Variants in PCDH9 observed in about 807,000 individuals in gnomAD.
PCDH9 encodes the protein protocadherin-9.
Under a neutral mutation model 70.6 loss-of-function variants are expected in PCDH9, and 24 were observed. That is an observed-to-expected ratio of 0.34 (90% CI 0.25 to 0.48). PCDH9 has a LOEUF of 0.48. PCDH9 is among the 20% of genes least tolerant of loss of function. PCDH9 has a pLI of 0.99. For missense variants in PCDH9, 1,281 were observed against 1,503.6 expected, an observed-to-expected ratio of 0.85 and a Z score of 2.45; for synonymous variants, 562 against 558.5, an observed-to-expected ratio of 1.01 and a Z score of -0.09.
chr13:66,688,957 T>A (rs2078443963), intron 3 of PCDH9, among the ~76,000 whole-genome samples: 2 of 152,134 alleles, frequency 1.3e-5, no homozygotes. Flanking sequence ...ATGGTAGCTG[T>A]GTAGGAAAAA....
intron 2 of PCDH9, among the ~76,000 whole-genome samples, chr13:67,113,747 C>A (rs1209604092): frequency 6.6e-6 from 1 of 152,148 alleles, no homozygotes; most frequent in East Asian, 1.9e-4. Flanking sequence ...GGGGGTTTCA[C>A]TGCTTTAGGC....
At chr13:67,026,104 A>C (rs1438329782) in intron 2 of PCDH9, among the ~76,000 whole-genome samples, 3 of 152,146 alleles carry the variant, frequency 2.0e-5, no homozygotes, top group Non-Finnish European at 2.9e-5. Flanking sequence ...TGAGATAATC[A>C]TGTGGTTTTT....
chr13:66,982,369 T>C (rs1296644271), intron 2 of PCDH9, among the ~76,000 whole-genome samples: 2 of 152,172 alleles, frequency 1.3e-5, no homozygotes, highest in East Asian at 3.9e-4. Context: ...TATCCGCTAC[T>C]ATAAAATATA....
intron 2 of PCDH9, among the ~76,000 whole-genome samples, chr13:66,945,254 T>G (rs938340323): frequency 2.0e-5 from 3 of 151,988 alleles, no homozygotes; most frequent in African/African-American, 7.2e-5. Context: ...TTCCTATAAT[T>G]TGTCTCCCTC....
At chr13:67,017,937 T>C (rs2084594295) in intron 2 of PCDH9, among the ~76,000 whole-genome samples, 1 of 152,216 alleles carries the variant, frequency 6.6e-6, no homozygotes, top group Non-Finnish European at 1.5e-5. Context: ...AATAACATTA[T>C]TAAAGACCCA....
At chr13:66,610,464 T>C (rs895861636) in intron 4 of PCDH9, among the ~76,000 whole-genome samples, 6 of 152,154 alleles carry the variant, frequency 3.9e-5, no homozygotes, top group African/African-American at 1.4e-4. Context: ...CCAAAAAGCC[T>C]TCTGATTGTG....
chr13:66,979,039 T>C (rs1203809620), intron 2 of PCDH9, among the ~76,000 whole-genome samples: 2 of 152,044 alleles, frequency 1.3e-5, no homozygotes, highest in African/African-American at 4.8e-5. Context: ...TTTATTCTAA[T>C]GTTGAATATC....
chr13:66,674,391 T>C (rs181807295), intron 3 of PCDH9, among the ~76,000 whole-genome samples: 2 of 151,816 alleles, frequency 1.3e-5, no homozygotes, highest in African/African-American at 4.8e-5. Context: ...TTTATGCACA[T>C]AGAAATAACT....
At chr13:66,340,373 A>T (rs989514674) in intron 4 of PCDH9, among the ~76,000 whole-genome samples, 1 of 152,288 alleles carries the variant, frequency 6.6e-6, no homozygotes, top group South Asian at 2.1e-4. Flanking sequence ...TCATGGTGAC[A>T]CTTTTCTACT....
chr13:66,341,183 C>A (rs1477800343), intron 4 of PCDH9, among the ~76,000 whole-genome samples: 1 of 152,012 alleles, frequency 6.6e-6, no homozygotes, highest in Middle Eastern at 3.2e-3. Flanking sequence ...CCTGAACTCT[C>A]CTGGGCTCAA....
intron 4 of PCDH9, among the ~76,000 whole-genome samples, chr13:66,518,994 T>C (rs940377417): frequency 6.6e-6 from 1 of 152,166 alleles, no homozygotes; most frequent in African/African-American, 2.4e-5. Flanking sequence ...AGATATAATA[T>C]ACATTTTCTC....
chr13:66,651,470 G>C (rs1347625879), intron 3 of PCDH9, among the ~76,000 whole-genome samples: 2 of 151,906 alleles, frequency 1.3e-5, no homozygotes, highest in Admixed American at 1.3e-4. Flanking sequence ...TCCAAAACCT[G>C]AACATACCTA....
intron 3 of PCDH9, among the ~76,000 whole-genome samples, chr13:66,757,618 C>T (rs9529135): frequency 0.081 from 12,353 of 151,970 alleles, 511 homozygotes; most frequent in East Asian, 0.14. Context: ...AAGCATGTCA[C>T]ATACGATATA....
At chr13:67,129,351 G>A (rs2087052777) in intron 2 of PCDH9, among the ~76,000 whole-genome samples, 1 of 152,086 alleles carries the variant, frequency 6.6e-6, no homozygotes, top group South Asian at 2.1e-4. Flanking sequence ...GCAATTATGA[G>A]TTACATGTTA....
intron 2 of PCDH9, among the ~76,000 whole-genome samples, chr13:66,950,095 A>G (rs2083153419): frequency 6.6e-6 from 1 of 152,122 alleles, no homozygotes; most frequent in Non-Finnish European, 1.5e-5. Flanking sequence ...CAAATGATTT[A>G]TATAAATATT....
intron 4 of PCDH9, among the ~76,000 whole-genome samples, chr13:66,597,516 T>G (rs1160457042): frequency 6.6e-6 from 1 of 151,738 alleles, no homozygotes; most frequent in African/African-American, 2.4e-5. Flanking sequence ...CTGGGAAGAC[T>G]GGACATCCAC....
At chr13:66,535,914 G>A (rs1960682654) in intron 4 of PCDH9, among the ~76,000 whole-genome samples, 2 of 152,024 alleles carry the variant, frequency 1.3e-5, no homozygotes, top group South Asian at 2.1e-4. Context: ...TATGATGCTA[G>A]TTACCAGAAG....
intron 3 of PCDH9, among the ~76,000 whole-genome samples, chr13:66,891,817 T>C (rs925528287): frequency 6.7e-5 from 9 of 134,018 alleles, no homozygotes; most frequent in Non-Finnish European, 1.4e-4. Context: ...ATGTATTCCA[T>C]TTTTTTTTTG....
chr13:66,622,934 G>T (rs1330437131), intron 4 of PCDH9, among the ~76,000 whole-genome samples: 1 of 152,212 alleles, frequency 6.6e-6, no homozygotes, highest in African/African-American at 2.4e-5. Flanking sequence ...TGAAGCCAGC[G>T]AGACCACGAA....
Sources: gnomAD v4.1 joint callset for allele counts (sites outside exome capture counted in the v4.1 genomes callset) on GRCh38, gnomAD v4.1.1 for gene constraint, MANE v1.5 for transcripts, NCBI Gene and HGNC (gene_info 2026-07-23, HGNC 2026-07-21) for gene names.